Variants in ACTR3 observed in about 807,000 individuals in gnomAD.
The protein encoded by ACTR3 is actin related protein 3, also known as actin-related protein 3.
ACTR3 carries 12 observed loss-of-function variants against 56.8 expected under a neutral mutation model. The ratio of observed to expected loss-of-function variants is 0.21; its 90% CI spans 0.14 to 0.34. The LOEUF (loss-of-function observed/expected upper bound fraction) is 0.34, where lower values mean the gene tolerates loss of function less well. Among genes scored for constraint, ACTR3 ranks in the 10% least tolerant of loss-of-function variants. The probability of loss-of-function intolerance (pLI) is 1.00; values close to 1 mark genes in which losing one functional copy is unlikely to be tolerated. For missense variants in ACTR3, 282 were observed against 512.5 expected (o/e 0.55, Z 4.34); for synonymous variants, 162 against 167.4 (o/e 0.97, Z 0.25).
At chr2:113,907,495 T>C (rs1228234160) in intron 1 of ACTR3, among the ~76,000 whole-genome samples, 1 of 152,142 alleles carries the variant, frequency 6.6e-6, no homozygotes, top group Non-Finnish European at 1.5e-5. Flanking sequence ...TCAAGTGACC[T>C]TCCTGCTTTG....
intron 1 of ACTR3, chr2:113,890,574 G>A: frequency 7.3e-7 from 1 of 1,368,280 alleles, no homozygotes; most frequent in Non-Finnish European, 9.4e-7. Flanking sequence ...CTTTCTCCGC[G>A]CGACCCCTCC....
rs1381970395 is a variant in ACTR3 at position 113,958,157 on chromosome 2, G to A, written c.*702G>A. Reference sequence around the variant, plus strand: ...AGTGTTGGACCAGTATTGCAGTTCTGTAGTGTCATTTCTTATAAAAAACAA... The same window carrying A: ...AGTGTTGGACCAGTATTGCAGTTCTATAGTGTCATTTCTTATAAAAAACAA... On this transcript the variant is annotated 3_prime_UTR_variant, in exon 12 of 12. Transcript: ENST00000263238. 1 of 152,580 alleles carries A rather than the reference G, an allele frequency of 6.6e-6. No homozygotes were observed. Among genetic ancestry groups the A allele is most frequent in the African/African-American group, 2.4e-5 (1 of 41,448 alleles). 9.5% of individuals were successfully genotyped at this position (152,580 alleles called of 1,614,324 possible).
chr2:113,913,300 G>A lies in ACTR3; in HGVS notation c.100+73G>A. 3 of 1,158,908 alleles carry A rather than the reference G, an allele frequency of 2.6e-6. 1 individual carries two copies. The highest frequency in any genetic ancestry group is 2.9e-5 in the South Asian group (2 of 69,026). 71.8% of individuals were successfully genotyped at this position (1,158,908 alleles called of 1,614,324 possible). Reference sequence around the variant, plus strand: ...TTCCCTAATAATTTAAGTAAAAGAAGTAATCAGTTCTGAAATCCTAAAAGA... The same window carrying A: ...TTCCCTAATAATTTAAGTAAAAGAAATAATCAGTTCTGAAATCCTAAAAGA... On this transcript the variant is annotated intron_variant, in intron 2 of 11. Transcript: ENST00000263238.
At chr2:113,917,886 A>G (rs1410091675) in intron 3 of ACTR3, among the ~76,000 whole-genome samples, 1 of 152,232 alleles carries the variant, frequency 6.6e-6, no homozygotes, top group Non-Finnish European at 1.5e-5. Flanking sequence ...CATGTATCAC[A>G]GGAGTAGCTA....
chr2:113,931,998 T>G (rs2104609805), intron 5 of ACTR3, among the ~76,000 whole-genome samples: 1 of 152,254 alleles, frequency 6.6e-6, no homozygotes, highest in South Asian at 2.1e-4. Flanking sequence ...TTGTTTCTGT[T>G]TTTTGTGGAG....
At chr2:113,902,553 A>G (rs1185058875) in intron 1 of ACTR3, among the ~76,000 whole-genome samples, 1 of 151,482 alleles carries the variant, frequency 6.6e-6, no homozygotes, top group Non-Finnish European at 1.5e-5. Context: ...GCTTTTCTAT[A>G]TATTTAACTT....
intron 8 of ACTR3, among the ~76,000 whole-genome samples, chr2:113,948,111 T>A (rs1042059221): frequency 1.3e-5 from 2 of 152,218 alleles, no homozygotes; most frequent in Non-Finnish European, 2.9e-5. Context: ...CCTCCTTAGC[T>A]ATGAATTGCT....
intron 2 of ACTR3, among the ~76,000 whole-genome samples, chr2:113,914,047 A>G (rs542712540): frequency 6.6e-6 from 1 of 152,276 alleles, no homozygotes; most frequent in Non-Finnish European, 1.5e-5. Context: ...TTTAATTTTG[A>G]GAGTGTCACT....
intron 4 of ACTR3, among the ~76,000 whole-genome samples, chr2:113,930,474 G>A (rs1169348165): frequency 6.6e-6 from 1 of 152,060 alleles, no homozygotes; most frequent in African/African-American, 2.4e-5. Flanking sequence ...AGGTCAAAAA[G>A]AGAATTCTGT....
At chr2:113,899,879 G>T (rs998761069) in intron 1 of ACTR3, among the ~76,000 whole-genome samples, 5 of 152,192 alleles carry the variant, frequency 3.3e-5, no homozygotes, top group Non-Finnish European at 2.9e-5. Context: ...CTGGAATTCA[G>T]ATATTTCTGT....
intron 1 of ACTR3, among the ~76,000 whole-genome samples, chr2:113,911,719 C>A (rs1013052708): frequency 2.0e-5 from 3 of 151,792 alleles, no homozygotes; most frequent in African/African-American, 7.3e-5. Flanking sequence ...CTAAAACATT[C>A]CCCAAAGATA....
chr2:113,916,785 G>A (rs985521037), intron 2 of ACTR3, 99 bp from the exon 3 acceptor site: 14 of 1,006,968 alleles, frequency 1.4e-5, no homozygotes, highest in Non-Finnish European at 1.9e-5. Context: ...GCTAGGTCAT[G>A]TTTTACTTTG....
At chr2:113,951,698 A>G in intron 9 of ACTR3, 22 bp from the exon 10 acceptor site, 3 of 1,533,464 alleles carry the variant, frequency 2.0e-6, no homozygotes, top group Non-Finnish European at 2.6e-6. Context: ...TTTAAATATT[A>G]TATTTATTTT....
chr2:113,918,126 G>C (rs1031168298), intron 3 of ACTR3, among the ~76,000 whole-genome samples: 4 of 152,166 alleles, frequency 2.6e-5, no homozygotes, highest in African/African-American at 9.7e-5. Context: ...AGGTAGGCAG[G>C]AAAGAGCACT....
intron 8 of ACTR3, among the ~76,000 whole-genome samples, chr2:113,946,363 A>G (rs1680020333): frequency 6.7e-6 from 1 of 149,186 alleles, no homozygotes; most frequent in African/African-American, 2.5e-5. Context: ...TTTAGGAGGG[A>G]TGGTGTGAGA....
intron 5 of ACTR3, among the ~76,000 whole-genome samples, 174 bp downstream of exon 5, chr2:113,931,570 T>C (rs1281598318): frequency 6.6e-6 from 1 of 152,080 alleles, no homozygotes; most frequent in Non-Finnish European, 1.5e-5. Flanking sequence ...GAAGTGGAGA[T>C]ATTTAGTCAG....
At position 113,890,289 on chromosome 2, in the gene ACTR3, C is replaced by T. The variant is rs528277571; in HGVS notation, c.10C>T (p.Arg4Trp). Residue 4 changes from arginine (R) to tryptophan (W), a missense_variant, in exon 1 of 12, where the codon CGG becomes TGG. Physicochemically the swap from Arg to Trp is moderately radical, Grantham distance 101. Coordinates refer to ENST00000263238, the MANE Select transcript of ACTR3 (RefSeq NM_005721.5). Reference sequence around the variant, plus strand: ...GCAGGCGAGGAGGAAGATGGCGGGACGGCTGCCGGCCTGTGTGGTGGACTG... The same window carrying T: ...GCAGGCGAGGAGGAAGATGGCGGGATGGCTGCCGGCCTGTGTGGTGGACTG... MAG[R>W]LPACVVDCGT... is the part of the protein sequence containing the mutation. The T allele has an allele frequency of 7.7e-6, 10 of 1,293,170 alleles. 1 individual carries two copies. Among genetic ancestry groups the T allele is most frequent in the African/African-American group, 4.9e-5 (3 of 61,308 alleles). 80.1% of individuals were successfully genotyped at this position (1,293,170 alleles called of 1,614,324 possible). A position where few individuals can be genotyped will look rare whatever the true frequency, so the allele number is the denominator to read the frequency against.
At chr2:113,915,708 A>G (rs1329052865) in intron 2 of ACTR3, among the ~76,000 whole-genome samples, 1 of 152,214 alleles carries the variant, frequency 6.6e-6, no homozygotes, top group African/African-American at 2.4e-5. Context: ...TTTTTGAACC[A>G]TTGGATCTCA....
At chr2:113,929,134 TTTTTTTG>T (rs1274936452) in intron 4 of ACTR3, among the ~76,000 whole-genome samples, 2 of 151,992 alleles carry the variant, frequency 1.3e-5, no homozygotes, top group Non-Finnish European at 2.9e-5. Flanking sequence ...ATTTTTGTTT[TTTTTTTG>T]TTTTTGTTTT....
Sources: allele counts gnomAD v4.1 joint callset (sites outside exome capture counted in the v4.1 genomes callset), GRCh38; gene constraint gnomAD v4.1.1; transcripts MANE v1.5; gene names NCBI Gene and HGNC (gene_info 2026-07-23, HGNC 2026-07-21).